TRIQK: variants seen among roughly 807,000 people sequenced by gnomAD.
TRIQK encodes triple QxxK/R motif-containing protein.
Under a neutral mutation model 10.8 loss-of-function variants are expected in TRIQK, and 10 were observed. The ratio of observed to expected loss-of-function variants is 0.92; its 90% CI spans 0.57 to 1.57. The LOEUF is 1.57. Ranked by LOEUF, TRIQK falls within the 40% of genes most tolerant of loss-of-function variation. The pLI is 0.00. For synonymous variants in TRIQK, 33 were observed against 33.7 expected, an observed-to-expected ratio of 0.98 and a Z score of 0.07; for missense variants, 107 against 97.7, an observed-to-expected ratio of 1.09 and a Z score of -0.40.
chr8:92,900,104 T>C (rs1276829955), intron 3 of TRIQK, among the ~76,000 whole-genome samples: 2 of 152,190 alleles, frequency 1.3e-5, no homozygotes, highest in East Asian at 3.9e-4. Context: ...GATTATTAAA[T>C]TTTTTCCTAT....
At chr8:93,009,957 G>A (rs1271511822) in intron 1 of TRIQK, among the ~76,000 whole-genome samples, 1 of 152,070 alleles carries the variant, frequency 6.6e-6, no homozygotes, top group Non-Finnish European at 1.5e-5. Context: ...ATAGAGTCCT[G>A]TCCTTTGTAA....
intron 1 of TRIQK, among the ~76,000 whole-genome samples, chr8:92,983,606 G>A (rs1187930250): frequency 6.6e-6 from 1 of 152,040 alleles, no homozygotes; most frequent in East Asian, 1.9e-4. Flanking sequence ...CAAAAAGTAT[G>A]TATAATTTCT....
chr8:92,998,670 G>A (rs1168339747), intron 1 of TRIQK, among the ~76,000 whole-genome samples: 1 of 151,904 alleles, frequency 6.6e-6, no homozygotes, highest in African/African-American at 2.4e-5. Context: ...CAAATAAAAT[G>A]TTAATTTCAT....
intron 1 of TRIQK, among the ~76,000 whole-genome samples, chr8:92,987,439 G>A (rs1813046037): frequency 6.6e-6 from 1 of 152,130 alleles, no homozygotes; most frequent in Admixed American, 6.5e-5. Context: ...TTAATGTATA[G>A]GCTTATATGT....
At chr8:93,007,357 C>A (rs774660578) in intron 1 of TRIQK, among the ~76,000 whole-genome samples, 1 of 152,142 alleles carries the variant, frequency 6.6e-6, no homozygotes, top group Non-Finnish European at 1.5e-5. Context: ...AAAATGTCCC[C>A]ACAAAAACCC....
intron 2 of TRIQK, among the ~76,000 whole-genome samples, chr8:92,949,832 AAG>A (rs1321274542): frequency 3.5e-5 from 4 of 114,854 alleles, no homozygotes; most frequent in Middle Eastern, 4.4e-3. Context: ...GAAAGAAAGA[AAG>A]AAAGAAAGGG....
intron 2 of TRIQK, among the ~76,000 whole-genome samples, chr8:92,928,469 T>C (rs1228464502): frequency 4.6e-5 from 7 of 152,080 alleles, no homozygotes; most frequent in Non-Finnish European, 1.0e-4. Context: ...ACCATTAGAG[T>C]TGTCTGGGAT....
At chr8:92,954,685 T>G (rs1409550203) in intron 1 of TRIQK, 121 bp from the exon 2 acceptor site, 1 of 151,976 alleles carries the variant, frequency 6.6e-6, no homozygotes, top group African/African-American at 2.4e-5. Context: ...TTGCTAACTC[T>G]GTTATTTATT....
chr8:92,914,780 T>A (rs1048925221), intron 3 of TRIQK, among the ~76,000 whole-genome samples: 4 of 152,076 alleles, frequency 2.6e-5, no homozygotes, highest in African/African-American at 9.7e-5. Context: ...CCTTGTATAT[T>A]CTTAGTAGAA....
chr8:92,944,304 C>CAAAA (rs56002665), intron 2 of TRIQK, among the ~76,000 whole-genome samples: 18 of 134,830 alleles, frequency 1.3e-4, no homozygotes, highest in African/African-American at 5.0e-4. Context: ...GAAGGTTACT[C>CAAAA]AAAAAAAAAA....
chr8:93,005,547 G>A (rs1256408877), intron 1 of TRIQK, among the ~76,000 whole-genome samples: 1 of 151,954 alleles, frequency 6.6e-6, no homozygotes, highest in Non-Finnish European at 1.5e-5. Context: ...ACAATAGGAA[G>A]GACAAAAACC....
intron 1 of TRIQK, chr8:92,974,659 C>G (rs535461466): frequency 6.6e-6 from 1 of 152,408 alleles, no homozygotes; most frequent in East Asian, 1.9e-4. Flanking sequence ...TCACATCCAG[C>G]AATCTCATCA....
intron 1 of TRIQK, among the ~76,000 whole-genome samples, chr8:93,006,886 G>A (rs1813278837): frequency 6.6e-6 from 1 of 152,214 alleles, no homozygotes; most frequent in Admixed American, 6.5e-5. Context: ...AGCAGGGGTG[G>A]CCACGGTCTC....
chr8:92,913,717 C>T (rs1255686338), intron 3 of TRIQK, among the ~76,000 whole-genome samples: 1 of 152,190 alleles, frequency 6.6e-6, no homozygotes, highest in African/African-American at 2.4e-5. Flanking sequence ...TTGGAACCAA[C>T]CCCAATGCCC....
At chr8:92,945,824 C>A (rs900003819) in intron 2 of TRIQK, among the ~76,000 whole-genome samples, 2 of 151,450 alleles carry the variant, frequency 1.3e-5, no homozygotes, top group South Asian at 4.2e-4. Context: ...TTAAAAAGTA[C>A]TAAAACATGT....
intron 1 of TRIQK, among the ~76,000 whole-genome samples, chr8:92,999,166 T>C (rs1410508284): frequency 1.3e-5 from 2 of 152,186 alleles, no homozygotes; most frequent in Non-Finnish European, 2.9e-5. Flanking sequence ...AAGATTTTGG[T>C]AACATTTAAT....
chr8:93,006,206 T>G (rs530907977), intron 1 of TRIQK, among the ~76,000 whole-genome samples: 8 of 151,534 alleles, frequency 5.3e-5, no homozygotes, highest in South Asian at 4.2e-4. Context: ...GGTCAGAGGC[T>G]CCCATCTAGA....
intron 3 of TRIQK, among the ~76,000 whole-genome samples, chr8:92,910,849 T>C (rs1809531517): frequency 6.6e-6 from 1 of 151,348 alleles, no homozygotes; most frequent in African/African-American, 2.4e-5. Context: ...CTGATAGCAT[T>C]ACAAGAATTG....
At chr8:93,015,627 A>G (rs2130765903) in intron 1 of TRIQK, among the ~76,000 whole-genome samples, 1 of 152,196 alleles carries the variant, frequency 6.6e-6, no homozygotes, top group Non-Finnish European at 1.5e-5. Context: ...ACATAAGGGT[A>G]TTGGCATGCT....
Sources: allele counts gnomAD v4.1 joint callset (sites outside exome capture counted in the v4.1 genomes callset), GRCh38; gene constraint gnomAD v4.1.1; transcripts MANE v1.5; gene names NCBI Gene and HGNC (gene_info 2026-07-23, HGNC 2026-07-21).